CD44: variants seen among roughly 807,000 people sequenced by gnomAD.
The protein encoded by CD44 is CD44 molecule (IN blood group).
Under a neutral mutation model 88.8 loss-of-function variants are expected in CD44, and 49 were observed. The ratio of observed to expected loss-of-function variants is 0.55; its 90% CI spans 0.44 to 0.70. The LOEUF is 0.70. CD44 is among the 30% of genes least tolerant of loss of function. CD44 has a pLI of 0.00. For synonymous variants in CD44, 325 were observed against 312.3 expected, an observed-to-expected ratio of 1.04 and a Z score of -0.43; for missense variants, 883 against 913.8, an observed-to-expected ratio of 0.97 and a Z score of 0.43.
intron 1 of CD44, among the ~76,000 whole-genome samples, chr11:35,141,582 A>G (rs1857942899): frequency 6.6e-6 from 1 of 151,976 alleles, no homozygotes; most frequent in Admixed American, 6.5e-5. Flanking sequence ...ACTCCTTCCA[A>G]CCTGTCTCCC....
chr11:35,166,244 CAG>C (rs777150778), intron 1 of CD44, among the ~76,000 whole-genome samples: 2 of 152,190 alleles, frequency 1.3e-5, no homozygotes, highest in Non-Finnish European at 2.9e-5. Flanking sequence ...TGGCAACACA[CAG>C]GGGTGGGTAC....
intron 1 of CD44, among the ~76,000 whole-genome samples, chr11:35,142,493 T>C (rs1858193557): frequency 6.6e-6 from 1 of 152,156 alleles, no homozygotes; most frequent in African/African-American, 2.4e-5. Flanking sequence ...CTGAGAGCCC[T>C]GGGTCTTAGG....
chr11:35,139,686 C>G, intron 1 of CD44: 1 of 603,400 alleles, frequency 1.7e-6, no homozygotes. Flanking sequence ...CGGATGCGCA[C>G]AGTCGTTGTC....
At chr11:35,144,807 A>C (rs568962384) in intron 1 of CD44, among the ~76,000 whole-genome samples, 3 of 152,388 alleles carry the variant, frequency 2.0e-5, no homozygotes, top group African/African-American at 7.2e-5. Context: ...ACTTAATGTA[A>C]TTGAAAGTCA....
chr11:35,148,646 T>A (rs1018135499), intron 1 of CD44, among the ~76,000 whole-genome samples: 1 of 152,214 alleles, frequency 6.6e-6, no homozygotes, highest in Non-Finnish European at 1.5e-5. Flanking sequence ...TCTCTTTTCT[T>A]TTGCCAGTGA....
chr11:35,222,352 T>C (rs762742471), intron 17 of CD44: 5 of 1,184,480 alleles, frequency 4.2e-6, no homozygotes, highest in Non-Finnish European at 5.7e-6. Context: ...ATGATATCAT[T>C]TTCTATTTTC....
At chr11:35,167,276 GT>G (rs1943400611) in intron 1 of CD44, among the ~76,000 whole-genome samples, 1 of 151,890 alleles carries the variant, frequency 6.6e-6, no homozygotes, top group Non-Finnish European at 1.5e-5. Flanking sequence ...GTGTGTTTTT[GT>G]TTTTGTTTTT....
intron 9 of CD44, among the ~76,000 whole-genome samples, chr11:35,203,000 T>C (rs541317406): frequency 6.6e-6 from 1 of 152,224 alleles, no homozygotes; most frequent in Admixed American, 6.5e-5. Context: ...TGTCAAAAGG[T>C]GGTGCTTGCG....
intron 15 of CD44, among the ~76,000 whole-genome samples, chr11:35,218,703 G>GT (rs935877126): frequency 9.2e-5 from 14 of 152,138 alleles, no homozygotes; most frequent in African/African-American, 3.4e-4. Context: ...GAGCGTGTGA[G>GT]TCCCCTGGGG....
intron 17 of CD44, among the ~76,000 whole-genome samples, chr11:35,228,616 C>A (rs1949879254): frequency 6.6e-6 from 1 of 152,132 alleles, no homozygotes; most frequent in Admixed American, 6.5e-5. Flanking sequence ...GGGTTTGAAT[C>A]CTCTTTCTTA....
intron 3 of CD44, among the ~76,000 whole-genome samples, chr11:35,182,847 C>T (rs1178157560): frequency 6.6e-6 from 1 of 152,176 alleles, no homozygotes; most frequent in African/African-American, 2.4e-5. Flanking sequence ...TGCATACCCA[C>T]ATTGTCTTAC....
At chr11:35,210,832 G>A (rs1029122014) in intron 13 of CD44, 5 of 174,698 alleles carry the variant, frequency 2.9e-5, no homozygotes, top group African/African-American at 1.2e-4. Context: ...CCATGCATTT[G>A]CTATTTTAAT....
At position 35,229,249 on chromosome 11, in the gene CD44, G is replaced by A. The variant is rs1161840665; in HGVS notation, c.2145G>A (p.Lys715=). Residue 715 remains lysine, a synonymous_variant, in exon 18 of 18, where the codon AAG becomes AAA. Coordinates refer to ENST00000428726, the MANE Select transcript of CD44 (RefSeq NM_000610.4). ...AGGAAATGGTGCATTTGGTGAACAAGGAGTCGTCAGAAACTCCAGACCAGT... is the reference window on the plus strand; with the variant it reads ...AGGAAATGGTGCATTTGGTGAACAAAGAGTCGTCAGAAACTCCAGACCAGT... ...KSQEMVHLVN[K]ESSETPDQFM... is the part of the protein sequence containing the mutation. 2 of 1,613,906 alleles carry A rather than the reference G, an allele frequency of 1.2e-6. No homozygotes were observed. Among genetic ancestry groups the A allele is most frequent in the Non-Finnish European group, 1.7e-6 (2 of 1,179,924 alleles).
In CD44 at chr11:35,189,929, C is replaced by G; in HGVS notation, c.531C>G (p.Asp177Glu). Reference sequence around the variant, plus strand: ...ACCCCAGCAACCCTACTGATGATGACGTGAGCAGCGGCTCCTCCAGTGAAA... The same window carrying G: ...ACCCCAGCAACCCTACTGATGATGAGGTGAGCAGCGGCTCCTCCAGTGAAA... ...DIYPSNPTDD[D>E]VSSGSSSERS... is the part of the protein sequence containing the mutation. Residue 177 changes from aspartate to glutamate, a missense_variant, in exon 5 of 18, where the codon GAC (aspartate) becomes GAG (glutamate). Physicochemically the swap from Asp to Glu is conservative, Grantham distance 45. Around this residue, in one of 2 missense-constraint regions of CD44, gnomAD observed 252 missense variants for 322.9 expected, o/e 0.78. Coordinates refer to ENST00000428726, the MANE Select transcript of CD44 (RefSeq NM_000610.4). 1 of 1,614,112 alleles carries G rather than the reference C, an allele frequency of 6.2e-7. No homozygotes were observed. Among genetic ancestry groups the G allele is most frequent in the Non-Finnish European group, 8.5e-7 (1 of 1,179,978 alleles).
chr11:35,201,749 A>G lies in CD44; in HGVS notation c.1115A>G (p.His372Arg). The G allele has an allele frequency of 6.2e-7, 1 of 1,613,752 alleles. No individual in the cohort carries two copies. The highest frequency in any genetic ancestry group is 8.5e-7 in the Non-Finnish European group (1 of 1,179,674). Residue 372 changes from histidine to arginine, a missense_variant, in exon 9 of 18, where the codon CAT (histidine) becomes CGT (arginine). This residue lies in a region of CD44 where 631 missense variants were observed against 590.9 expected (regional missense o/e 1.07). Transcript: ENST00000428726. ...CACCCTCCCCTCATTCACCATGAGCATCATGAGGAAGAAGAGACCCCACAT... is the reference window on the plus strand; with the variant it reads ...CACCCTCCCCTCATTCACCATGAGCGTCATGAGGAAGAAGAGACCCCACAT... ...EAHPPLIHHE[H>R]HEEEETPHST... is the part of the protein sequence containing the mutation.
intron 4 of CD44, among the ~76,000 whole-genome samples, chr11:35,187,307 C>T (rs1464050193): frequency 1.3e-5 from 2 of 151,996 alleles, no homozygotes; most frequent in Admixed American, 1.3e-4. Context: ...TAGTCATTTC[C>T]CTAAGACTAA....
chr11:35,219,459 G>C, intron 16 of CD44, 72 bp downstream of exon 16: 2 of 1,104,592 alleles, frequency 1.8e-6, no homozygotes, highest in Non-Finnish European at 2.7e-6. Context: ...CAAGGACGAA[G>C]AGACTCATTT....
At chr11:35,177,929 G>A (rs568323647) in intron 2 of CD44, among the ~76,000 whole-genome samples, 38 of 152,226 alleles carry the variant, frequency 2.5e-4, no homozygotes, top group Non-Finnish European at 4.3e-4. Context: ...ACCCAGGTTA[G>A]AGAACATTTC....
At chr11:35,185,504 G>A (rs1591126400) in intron 3 of CD44, among the ~76,000 whole-genome samples, 1 of 152,080 alleles carries the variant, frequency 6.6e-6, no homozygotes, top group Admixed American at 6.5e-5. Context: ...AATTATAGCA[G>A]GACACTTAAA....
Sources: allele counts gnomAD v4.1 joint callset (sites outside exome capture counted in the v4.1 genomes callset), GRCh38; gene constraint gnomAD v4.1.1; regional missense constraint gnomAD v4.1.1; transcripts MANE v1.5; gene names NCBI Gene and HGNC (gene_info 2026-07-23, HGNC 2026-07-21).